Variants in PTPRD observed in about 807,000 individuals in gnomAD.
PTPRD encodes protein tyrosine phosphatase receptor type D, also known as receptor-type tyrosine-protein phosphatase delta.
Under a neutral mutation model 214.5 loss-of-function variants are expected in PTPRD, and 34 were observed. That is an observed-to-expected ratio of 0.16 (90% CI 0.12 to 0.21). The LOEUF is 0.21. Among genes scored for constraint, PTPRD ranks in the 10% least tolerant of loss-of-function variants. The probability of loss-of-function intolerance (pLI) is 1.00; values close to 1 mark genes in which losing one functional copy is unlikely to be tolerated. For synonymous variants in PTPRD, 1,128 were observed against 845.7 expected, an observed-to-expected ratio of 1.33 and a Z score of -5.79; for missense variants, 2,545 against 2,398.7, an observed-to-expected ratio of 1.06 and a Z score of -1.27.
At chr9:9,001,051 C>G (rs2099416212) in intron 11 of PTPRD, among the ~76,000 whole-genome samples, 1 of 151,936 alleles carries the variant, frequency 6.6e-6, no homozygotes, top group African/African-American at 2.4e-5. Flanking sequence ...ATACCCTTTG[C>G]TAATACTCTC....
intron 3 of PTPRD, among the ~76,000 whole-genome samples, chr9:10,062,397 G>A (rs1384400585): frequency 9.2e-5 from 14 of 152,008 alleles, no homozygotes; most frequent in Non-Finnish European, 2.1e-4. Context: ...CCTAAGGTCA[G>A]GAGTTCAAAA....
chr9:9,250,544 T>A (rs1217532823), intron 9 of PTPRD, among the ~76,000 whole-genome samples: 1 of 152,074 alleles, frequency 6.6e-6, no homozygotes, highest in Non-Finnish European at 1.5e-5. Context: ...TATTATCAGG[T>A]GTCTCTTCAA....
intron 10 of PTPRD, among the ~76,000 whole-genome samples, chr9:9,151,762 T>C (rs1283747141): frequency 6.6e-6 from 1 of 152,154 alleles, no homozygotes; most frequent in Non-Finnish European, 1.5e-5. Flanking sequence ...GATTGCTCAG[T>C]GCCTAAAGAG....
intron 9 of PTPRD, among the ~76,000 whole-genome samples, chr9:9,195,036 A>G (rs553569451): frequency 2.6e-4 from 35 of 132,764 alleles, no homozygotes; most frequent in African/African-American, 7.1e-4. Context: ...GTGTGTGTGT[A>G]TATATATACA....
chr9:9,171,821 C>T (rs112273294), intron 10 of PTPRD, among the ~76,000 whole-genome samples: 1 of 151,990 alleles, frequency 6.6e-6, no homozygotes, highest in Non-Finnish European at 1.5e-5. Context: ...TAGAATAAAT[C>T]TCCACAAAAT....
intron 7 of PTPRD, among the ~76,000 whole-genome samples, chr9:9,581,812 T>G (rs1284044604): frequency 6.6e-6 from 1 of 152,158 alleles, no homozygotes; most frequent in Non-Finnish European, 1.5e-5. Flanking sequence ...GTAAATCTAT[T>G]GAATACAATG....
intron 2 of PTPRD, among the ~76,000 whole-genome samples, chr9:10,359,898 G>A (rs1389756866): frequency 2.6e-5 from 4 of 152,152 alleles, no homozygotes; most frequent in Non-Finnish European, 5.9e-5. Context: ...AGTGTTACAG[G>A]CTGTTGGAAT....
chr9:9,711,915 G>C (rs1188506486), intron 7 of PTPRD, among the ~76,000 whole-genome samples: 3 of 152,108 alleles, frequency 2.0e-5, no homozygotes, highest in Admixed American at 6.6e-5. Flanking sequence ...ACTATATGAA[G>C]GGTTGTTCAC....
intron 14 of PTPRD, among the ~76,000 whole-genome samples, chr9:8,593,458 A>T (rs2094262987): frequency 6.6e-6 from 1 of 152,198 alleles, no homozygotes; most frequent in Admixed American, 6.5e-5. Context: ...AGTAAGAAAC[A>T]AGTTTCCAGA....
At chr9:9,275,199 T>TATATATGTTATATA (rs1491465404) in intron 9 of PTPRD, among the ~76,000 whole-genome samples, 5 of 10,394 alleles carry the variant, frequency 4.8e-4, no homozygotes, top group African/African-American at 1.2e-3. Context: ...TATATATATA[T>TATATATGTTATATA]TATATATATA....
intron 8 of PTPRD, among the ~76,000 whole-genome samples, chr9:9,538,456 G>T (rs1445892158): frequency 2.0e-5 from 3 of 151,846 alleles, no homozygotes; most frequent in Non-Finnish European, 2.9e-5. Context: ...TCTTCAAAAA[G>T]TATTTTAGTG....
At chr9:9,925,096 G>A (rs1410147565) in intron 5 of PTPRD, among the ~76,000 whole-genome samples, 1 of 152,014 alleles carries the variant, frequency 6.6e-6, no homozygotes, top group Non-Finnish European at 1.5e-5. Context: ...ATATATTACA[G>A]ATAGTGTTAT....
chr9:10,168,447 C>G (rs1199604774), intron 3 of PTPRD, among the ~76,000 whole-genome samples: 4 of 152,312 alleles, frequency 2.6e-5, no homozygotes, highest in African/African-American at 7.2e-5. Flanking sequence ...TGCCTGGAAT[C>G]AGCCATGTCC....
chr9:9,536,923 T>C (rs1037735285), intron 8 of PTPRD, among the ~76,000 whole-genome samples: 1 of 152,028 alleles, frequency 6.6e-6, no homozygotes, highest in Non-Finnish European at 1.5e-5. Flanking sequence ...GAAAGGGTAG[T>C]GTAGTGTAGA....
At chr9:8,518,467 C>A (rs2138607392) in intron 20 of PTPRD, 38 bp from the exon 21 acceptor site, 1 of 1,391,104 alleles carries the variant, frequency 7.2e-7, no homozygotes, top group Non-Finnish European at 9.8e-7. Context: ...GACTACCCAT[C>A]ATCCCTATAA....
chr9:8,422,147 CAAAAAAAAAAAAAA>C (rs768623202), intron 35 of PTPRD, among the ~76,000 whole-genome samples: 2 of 33,992 alleles, frequency 5.9e-5, no homozygotes, highest in South Asian at 1.7e-3. Flanking sequence ...ACCCTGTCTC[CAAAAAAAAAAAAAA>C]AAAAAAAAAA....
chr9:9,228,638 C>T (rs1249760929), intron 9 of PTPRD, among the ~76,000 whole-genome samples: 2 of 151,968 alleles, frequency 1.3e-5, no homozygotes, highest in Non-Finnish European at 2.9e-5. Context: ...AAAAAACTTA[C>T]TTGATCACTG....
Position 10,605,653 on chromosome 9 carries a change from G to C in PTPRD, c.-600+6745C>G, listed in dbSNP as rs115867361. 7.8e-3 allele frequency among the ~76,000 whole-genome samples: 1,191 copies of C among 151,750 alleles called. 22 individuals carry two copies. Among genetic ancestry groups the C allele is most frequent in the African/African-American group, 0.028 (1,141 of 41,394 alleles). On this transcript the variant is annotated intron_variant, in intron 2 of 45. Coordinates refer to ENST00000381196, the MANE Select transcript of PTPRD (RefSeq NM_002839.4). ...AGGACAATAAGGTAAGTGTAGATAC[G>C]TATCTGGAAATTTTTCTGTGATATA...
chr9:10,534,134 GTTGT>G (rs2057163931), intron 2 of PTPRD, among the ~76,000 whole-genome samples: 1 of 151,612 alleles, frequency 6.6e-6, no homozygotes, highest in Non-Finnish European at 1.5e-5. Context: ...TCATTGTCAG[GTTGT>G]TTAAGGATTA....
Sources: gnomAD v4.1 joint callset for allele counts (sites outside exome capture counted in the v4.1 genomes callset) on GRCh38, gnomAD v4.1.1 for gene constraint, MANE v1.5 for transcripts, NCBI Gene and HGNC (gene_info 2026-07-23, HGNC 2026-07-21) for gene names.